Variants in AGBL1 observed in about 807,000 individuals in gnomAD.
The protein encoded by AGBL1 is AGBL carboxypeptidase 1.
AGBL1 carries 130 observed loss-of-function variants against 118.9 expected under a neutral mutation model. The observed-to-expected ratio is 1.09, with a 90% CI of 0.95 to 1.26. The LOEUF (loss-of-function observed/expected upper bound fraction) is 1.26, where lower values mean the gene tolerates loss of function less well. Among genes scored for constraint, AGBL1 ranks in the 50% most tolerant of loss-of-function variants. The probability of loss-of-function intolerance (pLI) is 0.00; values close to 1 mark genes in which losing one functional copy is unlikely to be tolerated. For synonymous variants in AGBL1, 555 were observed against 478.9 expected, an observed-to-expected ratio of 1.16 and a Z score of -2.08; for missense variants, 1,584 against 1,298.1, an observed-to-expected ratio of 1.22 and a Z score of -3.38.
At chr15:86,942,495 C>T (rs929113545) in intron 23 of AGBL1, among the ~76,000 whole-genome samples, 2 of 152,188 alleles carry the variant, frequency 1.3e-5, no homozygotes, top group East Asian at 1.9e-4. Flanking sequence ...TAATCAGATT[C>T]TGACTCATGG....
intron 24 of AGBL1, among the ~76,000 whole-genome samples, chr15:87,009,155 G>A (rs971317498): frequency 7.2e-5 from 11 of 152,228 alleles, no homozygotes; most frequent in Middle Eastern, 6.8e-3. Flanking sequence ...CATCACAGGT[G>A]CAGAGGTAGT....
At chr15:86,334,574 C>A (rs934752945) in intron 17 of AGBL1, among the ~76,000 whole-genome samples, 1 of 152,114 alleles carries the variant, frequency 6.6e-6, no homozygotes, top group Admixed American at 6.6e-5. Context: ...TTCAAAATGG[C>A]CATACTGCCT....
chr15:86,267,866 T>G (rs1370292131), intron 13 of AGBL1, among the ~76,000 whole-genome samples: 7 of 152,190 alleles, frequency 4.6e-5, no homozygotes, highest in Non-Finnish European at 8.8e-5. Flanking sequence ...GATAATGGTG[T>G]GGTGGCCATA....
At chr15:86,754,539 C>G (rs913645502) in intron 22 of AGBL1, among the ~76,000 whole-genome samples, 3 of 151,950 alleles carry the variant, frequency 2.0e-5, no homozygotes, top group Non-Finnish European at 4.4e-5. Flanking sequence ...TTGTGTCTGT[C>G]CATGAGTCCA....
Position 86,319,743 on chromosome 15 carries a change from G to GTTT in AGBL1, c.2374+24369_2374+24371dup, listed in dbSNP as rs139831044. 9.3e-4 allele frequency among the ~76,000 whole-genome samples: 44 copies of GTTT among 47,254 alleles called. 7 individuals carry two copies. The highest frequency in any genetic ancestry group is 1.0e-3 in the Admixed American group (3 of 2,946). The allele number at this position is 47,254 out of a possible 152,430, so 31.0% of individuals were successfully genotyped here. Reference sequence around the variant, plus strand: ...TGTACTTTGTTTTGCCTCTTTGGTAGTTTTTTTTTTTTTTTTTTTTTTTTT... The same window carrying GTTT: ...TGTACTTTGTTTTGCCTCTTTGGTAGTTTTTTTTTTTTTTTTTTTTTTTTTTTT... On this transcript the variant is annotated intron_variant, in intron 17 of 22. Transcript: ENST00000614907.
chr15:86,404,763 T>C (rs2081498908), intron 18 of AGBL1, among the ~76,000 whole-genome samples: 2 of 152,224 alleles, frequency 1.3e-5, no homozygotes, highest in Non-Finnish European at 2.9e-5. Flanking sequence ...ATGCTGGGCC[T>C]GTAGATCACG....
At chr15:86,130,428 G>A (rs930626475) in intron 1 of AGBL1, among the ~76,000 whole-genome samples, 21 of 152,154 alleles carry the variant, frequency 1.4e-4, no homozygotes, top group African/African-American at 1.9e-4. Flanking sequence ...CTGAAAAATC[G>A]TGTCTTCTTA....
At chr15:86,545,133 T>A (rs1224774023) in intron 19 of AGBL1, among the ~76,000 whole-genome samples, 6 of 152,306 alleles carry the variant, frequency 3.9e-5, no homozygotes, top group Admixed American at 3.9e-4. Context: ...CCTTTGACAG[T>A]TTTTCCCCTC....
At chr15:86,103,240 A>G (rs994376361) in intron 1 of AGBL1, among the ~76,000 whole-genome samples, 4 of 152,198 alleles carry the variant, frequency 2.6e-5, no homozygotes, top group Non-Finnish European at 4.4e-5. Flanking sequence ...TGTGTTCTGT[A>G]GCATAACAGG....
At chr15:86,486,157 G>A (rs2082709955) in intron 18 of AGBL1, among the ~76,000 whole-genome samples, 1 of 152,118 alleles carries the variant, frequency 6.6e-6, no homozygotes, top group South Asian at 2.1e-4. Context: ...GTAAAATAAC[G>A]ATCAAGTATG....
intron 17 of AGBL1, among the ~76,000 whole-genome samples, chr15:86,365,053 A>C (rs2080867564): frequency 6.8e-6 from 1 of 147,978 alleles, no homozygotes; most frequent in Non-Finnish European, 1.5e-5. Context: ...ACACACATAT[A>C]TATACACATA....
At chr15:86,116,361 A>G (rs137857377) in intron 1 of AGBL1, among the ~76,000 whole-genome samples, 45 of 152,230 alleles carry the variant, frequency 3.0e-4, no homozygotes, top group African/African-American at 1.0e-3. Context: ...TTTTTTTCCA[A>G]TTACTTTGTT....
intron 23 of AGBL1, among the ~76,000 whole-genome samples, chr15:86,960,570 A>T (rs2080982576): frequency 6.6e-6 from 1 of 152,014 alleles, no homozygotes; most frequent in African/African-American, 2.4e-5. Context: ...TTCAACAAAA[A>T]ATTAAAAATA....
At chr15:86,783,287 C>A (rs1241921088) in intron 22 of AGBL1, among the ~76,000 whole-genome samples, 1 of 152,202 alleles carries the variant, frequency 6.6e-6, no homozygotes, top group African/African-American at 2.4e-5. Context: ...TTTTCTTTCT[C>A]ATCTTCTACT....
At chr15:86,567,743 A>C (rs114718243) in intron 21 of AGBL1, among the ~76,000 whole-genome samples, 2 of 152,188 alleles carry the variant, frequency 1.3e-5, no homozygotes, top group South Asian at 4.1e-4. Context: ...CTTAGTGTGC[A>C]TGAGAATCAC....
chr15:86,260,652 C>T (rs1291305660), intron 9 of AGBL1, among the ~76,000 whole-genome samples: 1 of 152,148 alleles, frequency 6.6e-6, no homozygotes, highest in East Asian at 1.9e-4. Flanking sequence ...TAGTTTTTAT[C>T]TTCAAAGAGT....
chr15:86,263,900 A>C (rs951897889), intron 10 of AGBL1, among the ~76,000 whole-genome samples: 7 of 152,180 alleles, frequency 4.6e-5, no homozygotes, highest in Non-Finnish European at 1.0e-4. Context: ...TTAGTATAAA[A>C]ATTTTTTTCA....
chr15:86,695,036 G>GAT (rs1445699669), intron 22 of AGBL1, among the ~76,000 whole-genome samples: 1 of 152,024 alleles, frequency 6.6e-6, no homozygotes, highest in African/African-American at 2.4e-5. Flanking sequence ...GTTCATCAGG[G>GAT]ATATTGGTCT....
chr15:86,727,167 C>T (rs1013623054), intron 22 of AGBL1, among the ~76,000 whole-genome samples: 1 of 151,912 alleles, frequency 6.6e-6, no homozygotes, highest in Non-Finnish European at 1.5e-5. Flanking sequence ...ACATGATGGC[C>T]AAAGAGGGAA....
Sources: allele counts gnomAD v4.1 joint callset (sites outside exome capture counted in the v4.1 genomes callset), GRCh38; gene constraint gnomAD v4.1.1; transcripts MANE v1.5; gene names NCBI Gene and HGNC (gene_info 2026-07-23, HGNC 2026-07-21).